PIGU: variants seen among roughly 807,000 people sequenced by gnomAD.
PIGU encodes phosphatidylinositol glycan anchor biosynthesis class U, also known as GPI-anchor transamidase component PIGU.
Under a neutral mutation model 49.9 loss-of-function variants are expected in PIGU, and 24 were observed. The ratio of observed to expected loss-of-function variants is 0.48; its 90% CI spans 0.35 to 0.68. The LOEUF is 0.68. Ranked by LOEUF, PIGU falls within the 30% of genes least tolerant of loss-of-function variation. The pLI, the probability that PIGU is intolerant of heterozygous loss-of-function variation, is 0.01. For synonymous variants in PIGU, 220 were observed against 205.7 expected (o/e 1.07, Z -0.59); for missense variants, 490 against 532.6 (o/e 0.92, Z 0.79).
chr20:34,622,528 A>G (rs1477975738), intron 6 of PIGU, among the ~76,000 whole-genome samples: 3 of 151,290 alleles, frequency 2.0e-5, no homozygotes, highest in African/African-American at 7.4e-5. Context: ...AAAAAAACAA[A>G]AACAAAAAAA....
intron 11 of PIGU, among the ~76,000 whole-genome samples, chr20:34,567,802 C>CCTCTCTCT (rs11467880): frequency 6.9e-6 from 1 of 144,518 alleles, no homozygotes; most frequent in Admixed American, 6.9e-5. Flanking sequence ...CCTCCTTCCT[C>CCTCTCTCT]CTCTCTCTCT....
intron 6 of PIGU, among the ~76,000 whole-genome samples, chr20:34,631,832 TCACCGTG>T (rs1448581447): frequency 2.7e-5 from 3 of 110,700 alleles, no homozygotes; most frequent in Non-Finnish European, 5.6e-5. Context: ...AGACGGGGTT[TCACCGTG>T]TTTTCTTCTC....
chr20:34,578,540 C>G (rs960592230), intron 10 of PIGU, among the ~76,000 whole-genome samples: 1 of 152,198 alleles, frequency 6.6e-6, no homozygotes, highest in African/African-American at 2.4e-5. Flanking sequence ...GCCAGGGACA[C>G]AGATTTCAGA....
chr20:34,581,049 T>C (rs1302447356), intron 10 of PIGU, among the ~76,000 whole-genome samples: 4 of 152,150 alleles, frequency 2.6e-5, no homozygotes, highest in Admixed American at 1.3e-4. Context: ...AATTAAAAAT[T>C]CAGGTTCTCA....
chr20:34,589,717 G>A (rs567009320), intron 7 of PIGU, among the ~76,000 whole-genome samples: 33 of 127,002 alleles, frequency 2.6e-4, no homozygotes, highest in African/African-American at 9.2e-4. Flanking sequence ...GTGCTACGGC[G>A]TGATCTCGGC....
intron 11 of PIGU, among the ~76,000 whole-genome samples, chr20:34,574,801 G>C (rs1296688451): frequency 6.6e-6 from 1 of 152,186 alleles, no homozygotes; most frequent in Non-Finnish European, 1.5e-5. Context: ...TTCGAGAAGA[G>C]AGGACCTCTG....
intron 7 of PIGU, among the ~76,000 whole-genome samples, chr20:34,605,976 G>T (rs2146731449): frequency 1.3e-5 from 2 of 152,132 alleles, no homozygotes; most frequent in South Asian, 4.2e-4. Flanking sequence ...ACAATTCCCA[G>T]CCGGCGCAGT....
chr20:34,661,026 TTTAAAA>T (rs73622020), intron 1 of PIGU, among the ~76,000 whole-genome samples: 13,675 of 152,164 alleles, frequency 0.09, 746 homozygotes, highest in Admixed American at 0.13. Flanking sequence ...CTAAAATTAT[TTTAAAA>T]TTAAGAGTTA....
intron 7 of PIGU, among the ~76,000 whole-genome samples, chr20:34,591,641 G>C (rs1372590064): frequency 5.9e-5 from 9 of 152,112 alleles, no homozygotes; most frequent in Admixed American, 5.9e-4. Flanking sequence ...AAAACTTGCT[G>C]ACCTCACATA....
At chr20:34,620,397 G>C (rs1051504177) in intron 6 of PIGU, among the ~76,000 whole-genome samples, 1 of 152,166 alleles carries the variant, frequency 6.6e-6, no homozygotes. Flanking sequence ...TTGATAGCCA[G>C]GTGAAAGGTC....
chr20:34,624,784 C>T (rs17091951), intron 6 of PIGU, among the ~76,000 whole-genome samples: 2,497 of 152,238 alleles, frequency 0.016, 86 homozygotes, highest in African/African-American at 0.058. Flanking sequence ...GACCTGTGTT[C>T]CCCAGCCAAC....
intron 11 of PIGU, chr20:34,562,372 G>C: frequency 8.1e-7 from 1 of 1,241,906 alleles, no homozygotes; most frequent in Non-Finnish European, 1.0e-6. Context: ...CTTGGGGCAA[G>C]ACAGGTTGAG....
At chr20:34,618,845 G>C (rs1985103952) in intron 6 of PIGU, among the ~76,000 whole-genome samples, 1 of 152,128 alleles carries the variant, frequency 6.6e-6, no homozygotes, top group Non-Finnish European at 1.5e-5. Context: ...GGAGGAACTA[G>C]TCACTCCAGT....
At chr20:34,632,204 A>G (rs1985805043) in intron 6 of PIGU, among the ~76,000 whole-genome samples, 3 of 152,068 alleles carry the variant, frequency 2.0e-5, no homozygotes, top group African/African-American at 7.2e-5. Flanking sequence ...AAACTGCTCA[A>G]TAGCTACCAA....
chr20:34,616,282 A>G (rs1458026516), intron 6 of PIGU, 143 bp from the exon 7 acceptor site: 1 of 867,896 alleles, frequency 1.2e-6, no homozygotes, highest in East Asian at 3.4e-5. Context: ...GTGCTATGCA[A>G]ATTCACACAG....
chr20:34,640,514 C>T (rs1464748460), intron 4 of PIGU, among the ~76,000 whole-genome samples: 1 of 111,670 alleles, frequency 9.0e-6, no homozygotes, highest in East Asian at 2.6e-4. Context: ...CACACACACA[C>T]ACACACACAC....
intron 11 of PIGU, among the ~76,000 whole-genome samples, chr20:34,574,700 A>G (rs1005015328): frequency 6.6e-6 from 1 of 151,806 alleles, no homozygotes; most frequent in African/African-American, 2.4e-5. Flanking sequence ...TCTACTCCCT[A>G]TGGGTGCTGG....
At chr20:34,613,633 G>A (rs1049496992) in intron 7 of PIGU, among the ~76,000 whole-genome samples, 1 of 152,018 alleles carries the variant, frequency 6.6e-6, no homozygotes, top group Non-Finnish European at 1.5e-5. Context: ...AAAAAGTCTG[G>A]CTATATATAT....
chr20:34,630,279 C>T (rs1471260111), intron 6 of PIGU, among the ~76,000 whole-genome samples: 1 of 152,120 alleles, frequency 6.6e-6, no homozygotes, highest in East Asian at 1.9e-4. Context: ...AACTACTTTG[C>T]ACAGTAGTGG....
Sources: gnomAD v4.1 joint callset for allele counts (sites outside exome capture counted in the v4.1 genomes callset) on GRCh38, gnomAD v4.1.1 for gene constraint, MANE v1.5 for transcripts, NCBI Gene and HGNC (gene_info 2026-07-23, HGNC 2026-07-21) for gene names.